Variants in AGBL4 observed in about 807,000 individuals in gnomAD.
AGBL4 encodes cytosolic carboxypeptidase 6.
In AGBL4, 58 loss-of-function variants were observed where a neutral mutation model predicts 66.4. The observed-to-expected ratio is 0.87, with a 90% CI of 0.71 to 1.09. AGBL4 has a LOEUF of 1.09. Ranked by LOEUF, AGBL4 falls within the 50% of genes least tolerant of loss-of-function variation. AGBL4 has a pLI of 0.00. For missense variants in AGBL4, 579 were observed against 631.0 expected (o/e 0.92, Z 0.88); for synonymous variants, 234 against 222.9 (o/e 1.05, Z -0.44).
chr1:49,819,233 G>A (rs1207264296), intron 2 of AGBL4, among the ~76,000 whole-genome samples: 2 of 152,122 alleles, frequency 1.3e-5, no homozygotes, highest in South Asian at 2.1e-4. Flanking sequence ...TGTCCAATGC[G>A]ATATAAGTGG....
intron 10 of AGBL4, among the ~76,000 whole-genome samples, chr1:48,588,880 T>C (rs1255836253): frequency 2.5e-5 from 3 of 118,256 alleles, no homozygotes; most frequent in Admixed American, 9.0e-5. Context: ...GAGACAGCAA[T>C]TGGACCAGGA....
At chr1:49,189,837 A>G (rs936421822) in intron 4 of AGBL4, among the ~76,000 whole-genome samples, 1 of 152,174 alleles carries the variant, frequency 6.6e-6, no homozygotes, top group Non-Finnish European at 1.5e-5. Context: ...TTACTGATGG[A>G]GGAACTAAGG....
rs34162300 is a variant in AGBL4 at position 49,240,551 on chromosome 1, CTT to C, written c.377+5217_377+5218del. On this transcript the variant is annotated intron_variant, in intron 4 of 13. Transcript: ENST00000371839. ...CTTTGGTTTCATGACACTGCATTTT[CTT>C]TTTTTTTTTTTTTTTTCCTATCTCT... 4.6e-3 allele frequency among the ~76,000 whole-genome samples: 575 copies of C among 123,666 alleles called. 3 individuals carry two copies. The highest frequency in any genetic ancestry group is 0.01 in the African/African-American group (339 of 33,116). 81.1% of individuals were successfully genotyped at this position (123,666 alleles called of 152,430 possible). A position where few individuals can be genotyped will look rare whatever the true frequency, so the allele number is the denominator to read the frequency against.
intron 6 of AGBL4, among the ~76,000 whole-genome samples, chr1:48,816,745 A>T (rs972865851): frequency 6.6e-6 from 1 of 152,198 alleles, no homozygotes; most frequent in Non-Finnish European, 1.5e-5. Flanking sequence ...AACACCAACT[A>T]TGTGCCCAGC....
chr1:49,867,270 T>C (rs1646724446), intron 1 of AGBL4, among the ~76,000 whole-genome samples: 1 of 151,292 alleles, frequency 6.6e-6, no homozygotes, highest in Admixed American at 6.6e-5. Context: ...ATGATTTCTA[T>C]ACATATTTCC....
At chr1:48,640,308 A>T (rs1570099325) in intron 8 of AGBL4, among the ~76,000 whole-genome samples, 1 of 152,192 alleles carries the variant, frequency 6.6e-6, no homozygotes, top group African/African-American at 2.4e-5. Context: ...TGTGAACTCC[A>T]TGAGGGCAGG....
intron 4 of AGBL4, among the ~76,000 whole-genome samples, chr1:49,181,684 T>G (rs892373890): frequency 2.6e-5 from 4 of 152,202 alleles, no homozygotes; most frequent in Non-Finnish European, 4.4e-5. Context: ...GGAGCAAGAA[T>G]TATGATGCAC....
intron 3 of AGBL4, among the ~76,000 whole-genome samples, chr1:49,516,463 C>T (rs1198821252): frequency 6.6e-6 from 1 of 151,948 alleles, no homozygotes; most frequent in East Asian, 1.9e-4. Context: ...AGCAAAGAAA[C>T]AGAGGAAAGA....
rs543526735 is a variant in AGBL4 at position 49,802,260 on chromosome 1, C to T, written c.157+49136G>A. Among the ~76,000 whole-genome samples the T allele has an allele frequency of 2.6e-5, 4 of 151,454 alleles. No individual in the cohort carries two copies. In the East Asian group the frequency reaches 5.8e-4, roughly 22 times the overall value. On this transcript the variant is annotated intron_variant, in intron 2 of 13. Transcript: ENST00000371839. ...GTGGAGAGCCTATAAACAGACACAT[C>T]GGGGGGGGTCGCCTGTCTATATGGA...
intron 3 of AGBL4, among the ~76,000 whole-genome samples, chr1:49,321,019 A>C (rs1450333159): frequency 1.3e-5 from 2 of 152,058 alleles, no homozygotes; most frequent in Non-Finnish European, 2.9e-5. Flanking sequence ...TGTTCCAGTC[A>C]CTCCCACAAG....
chr1:50,001,562 C>T (rs1427319281), intron 1 of AGBL4, among the ~76,000 whole-genome samples: 1 of 151,162 alleles, frequency 6.6e-6, no homozygotes, highest in African/African-American at 2.4e-5. Context: ...TAGTCTAAAA[C>T]GGGTTGCAAA....
intron 3 of AGBL4, among the ~76,000 whole-genome samples, chr1:49,311,376 G>T (rs1204957540): frequency 1.3e-5 from 2 of 151,970 alleles, no homozygotes; most frequent in Admixed American, 6.6e-5. Flanking sequence ...GACACTTAAT[G>T]CCATGTACAG....
At chr1:48,838,330 A>T (rs1558030635) in intron 6 of AGBL4, among the ~76,000 whole-genome samples, 1 of 152,206 alleles carries the variant, frequency 6.6e-6, no homozygotes, top group Non-Finnish European at 1.5e-5. Context: ...TGATACTAGC[A>T]TAAAAACAGA....
intron 11 of AGBL4, among the ~76,000 whole-genome samples, chr1:48,542,751 T>C (rs149978028): frequency 7.9e-4 from 121 of 152,336 alleles, no homozygotes; most frequent in African/African-American, 2.8e-3. Context: ...CTTTGTCAGA[T>C]GGAGAGATTG....
chr1:49,205,610 G>A (rs1648071701), intron 4 of AGBL4, among the ~76,000 whole-genome samples: 1 of 152,022 alleles, frequency 6.6e-6, no homozygotes, highest in Admixed American at 6.6e-5. Context: ...TCTGGTACAA[G>A]CCCCAGTTCC....
At chr1:48,604,353 T>C (rs890381188) in intron 9 of AGBL4, among the ~76,000 whole-genome samples, 1 of 152,184 alleles carries the variant, frequency 6.6e-6, no homozygotes, top group Non-Finnish European at 1.5e-5. Context: ...GTTTGCCTCC[T>C]TGGTACGTGT....
intron 1 of AGBL4, among the ~76,000 whole-genome samples, chr1:50,022,798 C>A (rs1436602295): frequency 3.3e-5 from 5 of 152,088 alleles, no homozygotes; most frequent in African/African-American, 1.2e-4. Flanking sequence ...ACCCACACAC[C>A]CATGCCATCC....
At chr1:49,874,895 T>A (rs1011428299) in intron 1 of AGBL4, among the ~76,000 whole-genome samples, 1 of 151,618 alleles carries the variant, frequency 6.6e-6, no homozygotes, top group African/African-American at 2.4e-5. Context: ...TACATATGTA[T>A]ACATGTGACA....
intron 3 of AGBL4, among the ~76,000 whole-genome samples, chr1:49,284,882 A>G (rs1266222952): frequency 6.6e-6 from 1 of 150,794 alleles, no homozygotes; most frequent in Non-Finnish European, 1.5e-5. Flanking sequence ...GCAAGTCCTG[A>G]GTGACCTACA....
Sources: gnomAD v4.1 joint callset for allele counts (sites outside exome capture counted in the v4.1 genomes callset) on GRCh38, gnomAD v4.1.1 for gene constraint, MANE v1.5 for transcripts, NCBI Gene and HGNC (gene_info 2026-07-23, HGNC 2026-07-21) for gene names.